The following NAV2 variants were observed in gnomAD, a reference collection of about 807,000 sequenced individuals.
The protein encoded by NAV2 is helicase, APC down-regulated 1.
NAV2 carries 54 observed loss-of-function variants against 223.2 expected under a neutral mutation model. The ratio of observed to expected loss-of-function variants is 0.24; its 90% CI spans 0.19 to 0.30. NAV2 has a LOEUF of 0.30. NAV2 is among the 10% of genes least tolerant of loss of function. The pLI, the probability that NAV2 is intolerant of heterozygous loss-of-function variation, is 1.00. For missense variants in NAV2, 2,806 were observed against 3,147.5 expected (o/e 0.89, Z 2.60); for synonymous variants, 1,279 against 1,239.3 (o/e 1.03, Z -0.67).
chr11:19,753,147 C>T (rs911359088), intron 1 of NAV2, among the ~76,000 whole-genome samples: 3 of 152,184 alleles, frequency 2.0e-5, no homozygotes, highest in Admixed American at 6.5e-5. Context: ...ATGAATGTTT[C>T]TTGTTTAGGC....
chr11:20,077,536 G>A lies in NAV2; in HGVS notation c.4984-16G>A, dbSNP rs764091467. ...CTTGCAAGGTAATATAACTGAGGTT[G>A]TGTCTTCCCCTCCAGGCTCACCTTG... On this transcript the variant is annotated splice_polypyrimidine_tract_variant and intron_variant, in intron 22 of 37. Coordinates refer to ENST00000349880, the MANE Select transcript of NAV2 (RefSeq NM_145117.5). 3 of 1,599,450 alleles carry A rather than the reference G, an allele frequency of 1.9e-6. No homozygotes were observed. Among genetic ancestry groups the A allele is most frequent in the Non-Finnish European group, 2.6e-6 (3 of 1,166,696 alleles).
chr11:19,470,338 C>G (rs1328943144), intron 1 of NAV2, among the ~76,000 whole-genome samples: 1 of 152,148 alleles, frequency 6.6e-6, no homozygotes, highest in African/African-American at 2.4e-5. Context: ...ATTTACCAAG[C>G]CATGTGCAGG....
Position 19,880,147 on chromosome 11 carries a change from T to G in NAV2, c.770+20T>G. On this transcript the variant is annotated intron_variant, in intron 5 of 37. Transcript: ENST00000349880. ...GTCCAGGTGGGGGCTCCTTGCCAAC[T>G]GATGGTTCTGTTTTTCAGGCACCTT... 1 of 1,545,120 alleles carries G rather than the reference T, an allele frequency of 6.5e-7. No homozygotes were observed. Among genetic ancestry groups the G allele is most frequent in the Non-Finnish European group, 8.7e-7 (1 of 1,145,650 alleles).
At chr11:19,424,683 G>A (rs910605207) in intron 1 of NAV2, among the ~76,000 whole-genome samples, 42 of 151,982 alleles carry the variant, frequency 2.8e-4, no homozygotes, top group African/African-American at 9.2e-4. Context: ...TGAGTATCTG[G>A]GATTATAGGT....
At chr11:19,858,428 C>T (rs1232409391) in intron 3 of NAV2, among the ~76,000 whole-genome samples, 1 of 152,202 alleles carries the variant, frequency 6.6e-6, no homozygotes. Context: ...TTATTGTGTG[C>T]ATATGCCACA....
At chr11:19,707,825 T>C (rs936723351) in intron 1 of NAV2, among the ~76,000 whole-genome samples, 2 of 152,234 alleles carry the variant, frequency 1.3e-5, no homozygotes, top group African/African-American at 4.8e-5. Context: ...CACTACAATG[T>C]TATGACTGCC....
At chr11:19,724,361 CT>C (rs2051048229) in intron 1 of NAV2, among the ~76,000 whole-genome samples, 1 of 152,102 alleles carries the variant, frequency 6.6e-6, no homozygotes, top group African/African-American at 2.4e-5. Context: ...AAATGAGTAT[CT>C]TTTTTTAAGA....
At chr11:19,543,386 G>C (rs961275044) in intron 1 of NAV2, among the ~76,000 whole-genome samples, 2 of 152,142 alleles carry the variant, frequency 1.3e-5, no homozygotes, top group Non-Finnish European at 2.9e-5. Context: ...GTCAACCAAC[G>C]TAACAGTAAT....
intron 1 of NAV2, among the ~76,000 whole-genome samples, chr11:19,389,552 C>G (rs575297009): frequency 2.0e-5 from 3 of 152,296 alleles, no homozygotes; most frequent in Non-Finnish European, 4.4e-5. Context: ...TCTCAGGATC[C>G]TCATCTGGAC....
chr11:19,481,030 C>T (rs988622092), intron 1 of NAV2, among the ~76,000 whole-genome samples: 19 of 152,304 alleles, frequency 1.2e-4, no homozygotes, highest in Middle Eastern at 3.4e-3. Context: ...CATAAGGATC[C>T]GTAGCACCTG....
At chr11:20,054,449 G>C (rs1457240179) in intron 18 of NAV2, among the ~76,000 whole-genome samples, 1 of 152,058 alleles carries the variant, frequency 6.6e-6, no homozygotes, top group East Asian at 1.9e-4. Context: ...GTCACATCCC[G>C]CTCAGTGTCT....
At chr11:20,008,133 AAGGCGGGCAGATCACCTG>A (rs2053241361) in intron 11 of NAV2, among the ~76,000 whole-genome samples, 1 of 152,064 alleles carries the variant, frequency 6.6e-6, no homozygotes, top group Non-Finnish European at 1.5e-5. Flanking sequence ...TTGGGAGGCC[AAGGCGGGCAGATCACCTG>A]AGGTCAGGAG....
At chr11:20,090,087 C>T (rs2060733256) in intron 26 of NAV2, among the ~76,000 whole-genome samples, 1 of 152,174 alleles carries the variant, frequency 6.6e-6, no homozygotes, top group South Asian at 2.1e-4. Context: ...TCTGTCTAGA[C>T]ACTTTTAGGG....
At chr11:19,877,260 C>A (rs2153078545) in intron 4 of NAV2, among the ~76,000 whole-genome samples, 1 of 151,986 alleles carries the variant, frequency 6.6e-6, no homozygotes, top group East Asian at 1.9e-4. Flanking sequence ...TAGCCTGATA[C>A]ACACTGGTTA....
intron 1 of NAV2, among the ~76,000 whole-genome samples, chr11:19,614,497 CT>C: frequency 6.6e-6 from 1 of 152,308 alleles, no homozygotes; most frequent in South Asian, 2.1e-4. Flanking sequence ...CATGTAGCCC[CT>C]GGCCCTGCAC....
rs866759677 is a variant in NAV2, at chr11:19,870,915, A to G, written c.511+1918A>G. 9.2e-5 allele frequency among the ~76,000 whole-genome samples: 14 copies of G among 152,288 alleles called. No individual in the cohort carries two copies. The South Asian group carries it at 2.3e-3, about 25-fold the overall frequency. Reference sequence around the variant, plus strand: ...GGTATGCCATATAAAGGTAAAAGAAATGAGGTTTAAACTCTTTGTCACCTG... The same window carrying G: ...GGTATGCCATATAAAGGTAAAAGAAGTGAGGTTTAAACTCTTTGTCACCTG... On this transcript the variant is annotated intron_variant, in intron 4 of 37. Coordinates refer to ENST00000349880, the MANE Select transcript of NAV2 (RefSeq NM_145117.5).
intron 1 of NAV2, among the ~76,000 whole-genome samples, chr11:19,607,583 G>A (rs1013420): frequency 0.73 from 110,661 of 152,188 alleles, 48,206 homozygotes; most frequent in Non-Finnish European, 0.96. Flanking sequence ...AAAGGAAGGA[G>A]TAAGCAGTTA....
At chr11:20,024,197 G>C (rs964485841) in intron 11 of NAV2, among the ~76,000 whole-genome samples, 2 of 152,202 alleles carry the variant, frequency 1.3e-5, no homozygotes, top group African/African-American at 2.4e-5. Flanking sequence ...AGCACAGCCT[G>C]CCTGGGCTTC....
At chr11:19,489,500 C>T (rs2042553004) in intron 1 of NAV2, among the ~76,000 whole-genome samples, 2 of 152,164 alleles carry the variant, frequency 1.3e-5, no homozygotes, top group South Asian at 4.1e-4. Flanking sequence ...TTTATCACTT[C>T]CTACATCTCA....
Sources: gnomAD v4.1 joint callset for allele counts (sites outside exome capture counted in the v4.1 genomes callset) on GRCh38, gnomAD v4.1.1 for gene constraint, MANE v1.5 for transcripts, NCBI Gene and HGNC (gene_info 2026-07-23, HGNC 2026-07-21) for gene names.